The following CACNA1G variants were observed in gnomAD, a reference collection of about 807,000 sequenced individuals.
CACNA1G encodes the protein voltage-dependent T-type calcium channel subunit alpha-1G.
A neutral mutation model predicts 219.4 loss-of-function variants in CACNA1G; 67 were observed. That is an observed-to-expected ratio of 0.31 (90% confidence interval 0.25 to 0.37). CACNA1G has a LOEUF of 0.37. CACNA1G is among the 10% of genes least tolerant of loss of function. The pLI is 1.00. For synonymous variants in CACNA1G, 1,296 were observed against 1,345.3 expected (o/e 0.96, Z 0.80); for missense variants, 2,380 against 3,231.4 (o/e 0.74, Z 6.39).
At chr17:50,574,850 G>T (rs992203025) in intron 7 of CACNA1G, among the ~76,000 whole-genome samples, 1 of 152,192 alleles carries the variant, frequency 6.6e-6, no homozygotes, top group African/African-American at 2.4e-5. Context: ...TGGAGATGGG[G>T]ACTGGGGTAG....
rs906593766 is a variant in CACNA1G, at chr17:50,600,319, T to C, written c.3691-407T>C. Among the ~76,000 whole-genome samples, 19 of 152,182 alleles carry C rather than the reference T, an allele frequency of 1.2e-4. No individual in the cohort carries two copies. The highest frequency in any genetic ancestry group is 4.3e-4 in the African/African-American group (18 of 41,506). On this transcript the variant is annotated intron_variant, in intron 17 of 37. Transcript: ENST00000359106. The surrounding 1 kb of genome is among the most constrained non-coding windows in gnomAD (Gnocchi z 4.1). ...GTGCAGTGACCTCAGGGTTAGCATG[T>C]GAAGAGCAGGGCCAGTGTCTCCTCA...
At position 50,576,248 on chromosome 17, in the gene CACNA1G, C is replaced by T. The variant is rs1322724834; in HGVS notation, c.1846C>T (p.Pro616Ser). 2 of 1,596,980 alleles carry T rather than the reference C, an allele frequency of 1.3e-6. No homozygotes were observed. Among genetic ancestry groups the T allele is most frequent in the Non-Finnish European group, 1.7e-6 (2 of 1,172,680 alleles). ...AGTAGAGGTGGCTGCCAGCTCTGGGCCCCCAACCCTCACCAGCCTCAACAT... is the reference window on the plus strand; with the variant it reads ...AGTAGAGGTGGCTGCCAGCTCTGGGTCCCCAACCCTCACCAGCCTCAACAT... Reference protein sequence around the residue: ...ALVEVAASSGPPTLTSLNIPP... With the variant: ...ALVEVAASSGSPTLTSLNIPP... Residue 616 changes from proline to serine, a missense_variant, in exon 8 of 38, where the codon CCC becomes TCC. Around this residue, in one of 17 missense-constraint regions of CACNA1G, gnomAD observed 434 missense variants for 417.3 expected, o/e 1.04. Coordinates refer to ENST00000359106, the MANE Select transcript of CACNA1G (RefSeq NM_018896.5).
chr17:50,600,852 C>T lies in CACNA1G; in HGVS notation c.3791+26C>T. On this transcript the variant is annotated intron_variant, in intron 18 of 37. Coordinates refer to ENST00000359106, the MANE Select transcript of CACNA1G (RefSeq NM_018896.5). This position sits in a 1 kb window ranked among gnomAD's most constrained non-coding sequence, Gnocchi z 4.1. ...GTAAGTGACAGGGCAGGGGTCTGAC[C>T]TGTGTCCCGACCTCTTCTTCTCACG... 2 of 1,600,442 alleles carry T rather than the reference C, an allele frequency of 1.2e-6. No individual in the cohort carries two copies. The highest frequency in any genetic ancestry group is 1.7e-6 in the Non-Finnish European group (2 of 1,167,870).
In CACNA1G at chr17:50,603,039, G is replaced by A. The variant is rs974606107; in HGVS notation, c.4009G>A (p.Gly1337Arg). 1.2e-6 allele frequency: 2 copies of A among 1,612,738 alleles called. No individual in the cohort carries two copies. Among genetic ancestry groups the A allele is most frequent in the Non-Finnish European group, 8.5e-7 (1 of 1,179,222 alleles). Residue 1337 changes from glycine (G) to arginine (R), a missense_variant, in exon 21 of 38, where the codon GGG becomes AGG. By Grantham distance (125) the Gly-to-Arg change is moderately radical (BLOSUM62 -2). Around this residue, in one of 17 missense-constraint regions of CACNA1G, gnomAD observed 153 missense variants for 374.9 expected, o/e 0.41. Transcript: ENST00000359106. This position sits in a 1 kb window ranked among gnomAD's most constrained non-coding sequence, Gnocchi z 6.4. ...VKVVALGWCF[G>R]EQAYLRSSWN... ...GGTGGTGGCACTGGGCTGGTGCTTC[G>A]GGGAGCAGGCGTACCTGCGGAGCAG...
At chr17:50,565,122 C>T (rs1158189028) in intron 1 of CACNA1G, among the ~76,000 whole-genome samples, 2 of 131,516 alleles carry the variant, frequency 1.5e-5, no homozygotes, top group East Asian at 2.0e-4. Context: ...CAGACATGCG[C>T]ACGCGCGCGC....
chr17:50,567,869 C>G (rs1217492019), intron 1 of CACNA1G, among the ~76,000 whole-genome samples: 1 of 152,096 alleles, frequency 6.6e-6, no homozygotes, highest in African/African-American at 2.4e-5. Context: ...TGGAAAGACC[C>G]AGGGTTTAGA....
In CACNA1G at chr17:50,599,425, C is replaced by T. The variant is rs1348308281; in HGVS notation, c.3259-3C>T. On this transcript the variant is annotated splice_polypyrimidine_tract_variant and splice_region_variant and intron_variant, in intron 16 of 37. Transcript: ENST00000359106. ...AGACCACTCCTCCCCTGCTCACCCACAGCCCAGCGCCCGCAGCTCTCCGCA... is the reference window on the plus strand; with the variant it reads ...AGACCACTCCTCCCCTGCTCACCCATAGCCCAGCGCCCGCAGCTCTCCGCA... 2 of 1,536,984 alleles carry T rather than the reference C, an allele frequency of 1.3e-6. No homozygotes were observed. Among genetic ancestry groups the T allele is most frequent in the South Asian group, 2.4e-5 (2 of 82,918 alleles).
chr17:50,623,913 C>T lies in CACNA1G; in HGVS notation c.6067C>T (p.Pro2023Ser), dbSNP rs1399584792. Residue 2023 changes from proline (P) to serine (S), a missense_variant, in exon 36 of 38, where the codon CCC becomes TCC. Around this residue, in one of 17 missense-constraint regions of CACNA1G, gnomAD observed 672 missense variants for 670.5 expected, o/e 1.00. Transcript: ENST00000359106. Reference sequence around the variant, plus strand: ...TCCCCTGTTCCTTTTGCAGATGCAGCCCCACCCCACGGAGCTGCCAGGACC... The same window carrying T: ...TCCCCTGTTCCTTTTGCAGATGCAGTCCCACCCCACGGAGCTGCCAGGACC... ...LLSALESNMQPHPTELPGPDL... is the reference protein window; with the variant it reads ...LLSALESNMQSHPTELPGPDL... 2.5e-6 allele frequency: 4 copies of T among 1,608,676 alleles called. No homozygotes were observed. Among genetic ancestry groups the T allele is most frequent in the Non-Finnish European group, 3.4e-6 (4 of 1,176,278 alleles).
intron 17 of CACNA1G, 128 bp downstream of exon 17, chr17:50,599,987 C>T (rs1416061371): frequency 7.5e-6 from 7 of 928,328 alleles, no homozygotes; most frequent in East Asian, 5.3e-5. Context: ...ACCTAGAAAC[C>T]GAGCTCCAAA....
At chr17:50,585,586 G>A (rs974006028) in intron 9 of CACNA1G, among the ~76,000 whole-genome samples, 1 of 152,158 alleles carries the variant, frequency 6.6e-6, no homozygotes, top group Non-Finnish European at 1.5e-5. Flanking sequence ...CACTGCCTCT[G>A]ATTAGGAGGC....
intron 12 of CACNA1G, 32 bp from the exon 13 acceptor site, chr17:50,591,905 T>C: frequency 6.2e-7 from 1 of 1,613,944 alleles, no homozygotes; most frequent in East Asian, 2.2e-5. Flanking sequence ...GTGCCCCTAG[T>C]ATAGGCCCTG....
rs1480240572 is a variant in CACNA1G, at chr17:50,568,855, C to T, written c.243-15C>T. The T allele has an allele frequency of 1.2e-6, 2 of 1,609,976 alleles. No individual in the cohort carries two copies. The highest frequency in any genetic ancestry group is 8.5e-7 in the Non-Finnish European group (1 of 1,176,938). ...AGCTCCAGCCTTGGCCAGCTGTTTCCTTGACTGCCAGTACCTGGTTTGAGC... is the reference window on the plus strand; with the variant it reads ...AGCTCCAGCCTTGGCCAGCTGTTTCTTTGACTGCCAGTACCTGGTTTGAGC... On this transcript the variant is annotated splice_polypyrimidine_tract_variant and intron_variant, in intron 1 of 37. Coordinates refer to ENST00000359106, the MANE Select transcript of CACNA1G (RefSeq NM_018896.5).
At chr17:50,572,445 C>T in intron 5 of CACNA1G, 109 bp from the exon 6 acceptor site, 1 of 946,140 alleles carries the variant, frequency 1.1e-6, no homozygotes, top group Non-Finnish European at 1.5e-6. Flanking sequence ...TGGTTCTGCC[C>T]TGCTCACCCT....
In CACNA1G at chr17:50,617,759, G is replaced by A; in HGVS notation, c.5156-100G>A. 1 of 1,458,460 alleles carries A rather than the reference G, an allele frequency of 6.9e-7. No homozygotes were observed. The highest frequency in any genetic ancestry group is 9.4e-7 in the Non-Finnish European group (1 of 1,061,246). 90.3% of individuals were successfully genotyped at this position (1,458,460 alleles called of 1,614,324 possible). A position where few individuals can be genotyped will look rare whatever the true frequency, so the allele number is the denominator to read the frequency against. On this transcript the variant is annotated intron_variant, in intron 29 of 37. Transcript: ENST00000359106. The surrounding 1 kb of genome is among the most constrained non-coding windows in gnomAD (Gnocchi z 5.8). ...GATGCAACCTGGCTGGCCCGGAGATGGCCATCCCAGCAGCCCCAGCCCAGC... is the reference window on the plus strand; with the variant it reads ...GATGCAACCTGGCTGGCCCGGAGATAGCCATCCCAGCAGCCCCAGCCCAGC...
chr17:50,582,566 G>T (rs188579993), intron 9 of CACNA1G, among the ~76,000 whole-genome samples: 2 of 152,224 alleles, frequency 1.3e-5, no homozygotes, highest in East Asian at 3.9e-4. Context: ...GCAGGCTGTC[G>T]GAGCTCAGAA....
Position 50,578,181 on chromosome 17 carries a change from GT to G in CACNA1G, c.1925-5del. On this transcript the variant is annotated splice_region_variant and splice_polypyrimidine_tract_variant and intron_variant, in intron 8 of 37. Transcript: ENST00000359106. The surrounding 1 kb of genome is among the most constrained non-coding windows in gnomAD (Gnocchi z 4.5). ...TGGAGCCTCTCACCTCTACTCTCCT[GT>G]TCCAGGTGCCTGCCAAAGCTCTTGC... 1 of 1,560,308 alleles carries G rather than the reference GT, an allele frequency of 6.4e-7. No individual in the cohort carries two copies. The highest frequency in any genetic ancestry group is 8.7e-7 in the Non-Finnish European group (1 of 1,152,480).
intron 19 of CACNA1G, 29 bp from the exon 20 acceptor site, chr17:50,602,791 G>C: frequency 6.2e-7 from 1 of 1,608,746 alleles, no homozygotes; most frequent in Non-Finnish European, 8.5e-7. Flanking sequence ...GCTTCCTGGC[G>C]GGCAACCCCT....
chr17:50,568,835 C>T, intron 1 of CACNA1G, 35 bp from the exon 2 acceptor site: 9 of 1,570,582 alleles, frequency 5.7e-6, no homozygotes, highest in Non-Finnish European at 7.0e-6. Context: ...GCCTCAGCTC[C>T]AGCCTTGGCC....
At position 50,576,263 on chromosome 17, in the gene CACNA1G, A is replaced by G. The variant is rs2040621798; in HGVS notation, c.1861A>G (p.Ser621Gly). The change falls in exon 8 of 38, where the codon AGC becomes GGC. Residue 621 changes from serine (S) to glycine (G), a missense_variant. Physicochemically the swap from Ser to Gly is moderately conservative, Grantham distance 56 (BLOSUM62 0). This residue lies in a region of CACNA1G where 434 missense variants were observed against 417.3 expected (regional missense o/e 1.04). Transcript: ENST00000359106. ...AASSGPPTLTSLNIPPGPYSS... is the reference protein window; with the variant it reads ...AASSGPPTLTGLNIPPGPYSS... ...CAGCTCTGGGCCCCCAACCCTCACCAGCCTCAACATCCCACCCGGGCCCTA... is the reference window on the plus strand; with the variant it reads ...CAGCTCTGGGCCCCCAACCCTCACCGGCCTCAACATCCCACCCGGGCCCTA... The G allele has an allele frequency of 1.3e-6, 2 of 1,592,338 alleles. No individual in the cohort carries two copies. The highest frequency in any genetic ancestry group is 1.3e-5 in the African/African-American group (1 of 74,404).
Sources: allele counts gnomAD v4.1 joint callset (sites outside exome capture counted in the v4.1 genomes callset), GRCh38; gene constraint gnomAD v4.1.1; regional missense constraint gnomAD v4.1.1; non-coding constraint Gnocchi (gnomAD v3.1); transcripts MANE v1.5; gene names NCBI Gene and HGNC (gene_info 2026-07-23, HGNC 2026-07-21).